Variants in FDCSP observed in about 807,000 individuals in gnomAD.
FDCSP encodes follicular dendritic cell secreted protein.
FDCSP carries 8 observed loss-of-function variants against 8.9 expected under a neutral mutation model. That is an observed-to-expected ratio of 0.90 (90% confidence interval 0.53 to 1.63). The LOEUF (loss-of-function observed/expected upper bound fraction) is 1.63. Among genes scored for constraint, FDCSP ranks in the 40% most tolerant of loss-of-function variants. The pLI is 0.00. For missense variants in FDCSP, 101 were observed against 103.6 expected (o/e 0.98, Z 0.11); for synonymous variants, 34 against 34.5 (o/e 0.98, Z 0.06).
chr4:70,234,213 C>T lies in FDCSP; in HGVS notation c.*26C>T. 6.3e-7 allele frequency: 1 copy of T among 1,592,108 alleles called. No homozygotes were observed. Among genetic ancestry groups the T allele is most frequent in the South Asian group, 1.1e-5 (1 of 88,488 alleles). On this transcript the variant is annotated splice_region_variant and 3_prime_UTR_variant, in exon 4 of 5. Coordinates refer to ENST00000317987, the MANE Select transcript of FDCSP (RefSeq NM_152997.4). ...ACAAGAAGGAAAAGTCACGATAAACCTGGTAAGTACACATAGTTACAATCA... is the reference window on the plus strand; with the variant it reads ...ACAAGAAGGAAAAGTCACGATAAACTTGGTAAGTACACATAGTTACAATCA...
intron 1 of FDCSP, among the ~76,000 whole-genome samples, chr4:70,230,094 C>T (rs1461253176): frequency 3.3e-5 from 5 of 151,752 alleles, no homozygotes; most frequent in Middle Eastern, 3.4e-3. Context: ...ACATCTCATG[C>T]TTAGTCAGTT....
chr4:70,231,145 T>C, intron 1 of FDCSP, 50 bp from the exon 2 acceptor site: 3 of 1,447,818 alleles, frequency 2.1e-6, no homozygotes, highest in Non-Finnish European at 2.9e-6. Flanking sequence ...CTAGGATATT[T>C]ATGAATAAAA....
Position 70,231,228 on chromosome 4 carries a change from T to C in FDCSP, c.34T>C (p.Leu12=). The C allele has an allele frequency of 1.2e-6, 2 of 1,603,368 alleles. No individual in the cohort carries two copies. Among genetic ancestry groups the C allele is most frequent in the South Asian group, 2.2e-5 (2 of 89,584 alleles). Residue 12 remains leucine (L), a synonymous_variant, in exon 2 of 5, where the codon TTG becomes CTG. Coordinates refer to ENST00000317987, the MANE Select transcript of FDCSP (RefSeq NM_152997.4). The part of the protein sequence containing the change: ...KKVLLLITAI[L]AVAVGFPVSQ... ...AGTTCTCCTCCTGATCACAGCCATC[T>C]TGGCAGTGGCTGTTGGTTTCCCAGT...
Position 70,231,194 on chromosome 4 carries a change from G to T in FDCSP, c.1-1G>T, listed in dbSNP as rs1311880780. On this transcript the variant is annotated splice_acceptor_variant, in intron 1 of 4. Transcript: ENST00000317987. LOFTEE classifies it low-confidence loss of function (5UTR_SPLICE). ...TATTTTTTATTTACTCCATTTTGCA[G>T]ATGAAGAAAGTTCTCCTCCTGATCA... is the stretch of plus-strand genomic sequence containing the variant. The T allele has an allele frequency of 6.3e-7, 1 of 1,595,010 alleles. No homozygotes were observed. Among genetic ancestry groups the T allele is most frequent in the South Asian group, 1.1e-5 (1 of 88,342 alleles).
intron 1 of FDCSP, among the ~76,000 whole-genome samples, chr4:70,230,741 ACT>A (rs1345224938): frequency 1.3e-5 from 2 of 151,638 alleles, no homozygotes; most frequent in Non-Finnish European, 3.0e-5. Context: ...GGAATGTTGA[ACT>A]CTCTGAGATC....
chr4:70,232,307 T>C (rs1469120802), intron 2 of FDCSP, among the ~76,000 whole-genome samples: 3 of 151,652 alleles, frequency 2.0e-5, no homozygotes, highest in Non-Finnish European at 3.0e-5. Context: ...GATACCATTT[T>C]CCATCTTTTA....
intron 4 of FDCSP, among the ~76,000 whole-genome samples, 193 bp downstream of exon 4, chr4:70,234,408 C>A (rs72856587): frequency 0.24 from 36,453 of 151,482 alleles, 4,632 homozygotes; most frequent in Admixed American, 0.32. Context: ...CATGATCTAA[C>A]CAGCACAGCA....
intron 2 of FDCSP, 38 bp from the exon 3 acceptor site, chr4:70,232,956 G>T: frequency 6.5e-7 from 1 of 1,547,436 alleles, no homozygotes; most frequent in South Asian, 1.2e-5. Context: ...GTGTTTTCAT[G>T]AGCATGAGTT....
At chr4:70,231,815 G>T (rs146578790) in intron 2 of FDCSP, among the ~76,000 whole-genome samples, 6 of 151,800 alleles carry the variant, frequency 4.0e-5, no homozygotes, top group Non-Finnish European at 8.9e-5. Context: ...GGAGATGATA[G>T]TTCCACATGT....
intron 2 of FDCSP, among the ~76,000 whole-genome samples, chr4:70,232,134 TA>T (rs1349975484): frequency 2.0e-5 from 3 of 151,654 alleles, no homozygotes; most frequent in Non-Finnish European, 3.0e-5. Flanking sequence ...TTTATAAGGT[TA>T]GTGTAGTGTA....
chr4:70,232,104 C>G lies in FDCSP; in HGVS notation c.57+853C>G, dbSNP rs546121103. 7.9e-5 allele frequency among the ~76,000 whole-genome samples: 12 copies of G among 151,662 alleles called. No individual in the cohort carries two copies. In the East Asian group the frequency reaches 1.2e-3, roughly 15 times the overall value. ...TAGTAAGCTAAGGTTAATTTATTATCAAGGGAAGAAAAAGATGTTTTTATA... is the reference window on the plus strand; with the variant it reads ...TAGTAAGCTAAGGTTAATTTATTATGAAGGGAAGAAAAAGATGTTTTTATA... On this transcript the variant is annotated intron_variant, in intron 2 of 4. Coordinates refer to ENST00000317987, the MANE Select transcript of FDCSP (RefSeq NM_152997.4).
chr4:70,234,124 A>C lies in FDCSP; in HGVS notation c.195A>C (p.Arg65Ser), dbSNP rs1231543823. Residue 65 changes from arginine (R) to serine (S), a missense_variant, in exon 4 of 5, where the codon AGA becomes AGC. Arg to Ser is a moderately radical substitution (Grantham distance 110, BLOSUM62 -1). Coordinates refer to ENST00000317987, the MANE Select transcript of FDCSP (RefSeq NM_152997.4). ...CATTTCCAAGATTTCCATGGTTTAG[A>C]CGTAATTTTCCTATTCCAATACCTG... The part of the protein sequence containing the change: ...PIPFPRFPWF[R>S]RNFPIPIPES... The C allele has an allele frequency of 9.9e-6, 16 of 1,611,228 alleles. No individual in the cohort carries two copies. The highest frequency in any genetic ancestry group is 1.2e-5 in the Non-Finnish European group (14 of 1,178,354).
chr4:70,226,335 A>G (rs1031796682), intron 1 of FDCSP, among the ~76,000 whole-genome samples, 153 bp downstream of exon 1: 2 of 151,922 alleles, frequency 1.3e-5, no homozygotes, highest in East Asian at 3.9e-4. Flanking sequence ...TTGTAGACTT[A>G]GTAATTAGAA....
chr4:70,231,171 T>G (rs757344798), intron 1 of FDCSP, 24 bp from the exon 2 acceptor site: 13 of 1,574,776 alleles, frequency 8.3e-6, no homozygotes, highest in South Asian at 8.1e-5. Context: ...GTTCTTCTTA[T>G]TTTTTATTTA....
chr4:70,231,177 A>G lies in FDCSP; in HGVS notation c.1-18A>G. ...AAAATGAAAGTTCTTCTTATTTTTT[A>G]TTTACTCCATTTTGCAGATGAAGAA... On this transcript the variant is annotated intron_variant, in intron 1 of 4. Coordinates refer to ENST00000317987, the MANE Select transcript of FDCSP (RefSeq NM_152997.4). 1 of 1,580,112 alleles carries G rather than the reference A, an allele frequency of 6.3e-7. No homozygotes were observed. The highest frequency in any genetic ancestry group is 8.6e-7 in the Non-Finnish European group (1 of 1,162,246).
rs761400219 is a variant in FDCSP, at chr4:70,231,244, G to A, written c.50G>A (p.Gly17Asp). The A allele has an allele frequency of 6.2e-7, 1 of 1,604,036 alleles. No individual in the cohort carries two copies. The highest frequency in any genetic ancestry group is 8.5e-7 in the Non-Finnish European group (1 of 1,174,496). The change falls in exon 2 of 5, where the codon GGT becomes GAT. Residue 17 changes from glycine to aspartate, a missense_variant. Physicochemically the swap from Gly to Asp is moderately conservative, Grantham distance 94. Transcript: ENST00000317987. ...ACAGCCATCTTGGCAGTGGCTGTTG[G>A]TTTCCCAGTAAGTATCCACGTATAC... is the stretch of plus-strand genomic sequence containing the variant. ...LITAILAVAV[G>D]FPVSQDQERE...
At chr4:70,226,680 C>T (rs1729992164) in intron 1 of FDCSP, among the ~76,000 whole-genome samples, 2 of 151,860 alleles carry the variant, frequency 1.3e-5, no homozygotes, top group Non-Finnish European at 2.9e-5. Context: ...AGTCATTTGT[C>T]TTTCCCATAA....
rs1730077020 is a variant in FDCSP, at chr4:70,231,201, A to G, written c.7A>G (p.Lys3Glu). The G allele has an allele frequency of 1.3e-6, 2 of 1,596,562 alleles. No individual in the cohort carries two copies. The highest frequency in any genetic ancestry group is 1.7e-6 in the Non-Finnish European group (2 of 1,170,930). The change falls in exon 2 of 5, where the codon AAA becomes GAA. Residue 3 changes from lysine to glutamate, a missense_variant. Transcript: ENST00000317987. MK[K>E]VLLLITAILA... The stretch of plus-strand genomic sequence containing the variant: ...TATTTACTCCATTTTGCAGATGAAG[A>G]AAGTTCTCCTCCTGATCACAGCCAT...
intron 4 of FDCSP, among the ~76,000 whole-genome samples, chr4:70,234,588 T>C (rs1730143973): frequency 6.6e-6 from 1 of 151,656 alleles, no homozygotes; most frequent in Non-Finnish European, 1.5e-5. Flanking sequence ...GCCTAGAGTT[T>C]AAAGTAGACC....
Sources: gnomAD v4.1 joint callset for allele counts (sites outside exome capture counted in the v4.1 genomes callset) on GRCh38, gnomAD v4.1.1 for gene constraint, MANE v1.5 for transcripts, NCBI Gene and HGNC (gene_info 2026-07-23, HGNC 2026-07-21) for gene names.